Variants in STPG2 observed in about 807,000 individuals in gnomAD.
STPG2 encodes sperm tail PG-rich repeat containing 2, also known as sperm-tail PG-rich repeat-containing protein 2.
Under a neutral mutation model 54.2 loss-of-function variants are expected in STPG2, and 56 were observed. The ratio of observed to expected loss-of-function variants is 1.03; its 90% CI spans 0.83 to 1.29. The LOEUF is 1.29. Among genes scored for constraint, STPG2 ranks in the 50% most tolerant of loss-of-function variants. The probability of loss-of-function intolerance (pLI) is 0.00; values close to 1 mark genes in which losing one functional copy is unlikely to be tolerated. For missense variants in STPG2, 596 were observed against 544.9 expected (o/e 1.09, Z -0.93); for synonymous variants, 200 against 181.8 (o/e 1.10, Z -0.81).
At chr4:98,011,292 A>C (rs1735740567) in intron 5 of STPG2, among the ~76,000 whole-genome samples, 1 of 152,168 alleles carries the variant, frequency 6.6e-6, no homozygotes, top group Non-Finnish European at 1.5e-5. Flanking sequence ...TCATGTTCTC[A>C]TTCCTTTTCA....
At chr4:98,003,561 C>T (rs1735479482) in intron 5 of STPG2, among the ~76,000 whole-genome samples, 1 of 151,924 alleles carries the variant, frequency 6.6e-6, no homozygotes, top group African/African-American at 2.4e-5. Flanking sequence ...GAGTTCAGGC[C>T]ACTCAGGATA....
At chr4:97,656,227 T>C (rs1011052685) in intron 10 of STPG2, among the ~76,000 whole-genome samples, 1 of 152,110 alleles carries the variant, frequency 6.6e-6, no homozygotes, top group African/African-American at 2.4e-5. Context: ...ACATCCTGAC[T>C]CATGACACAA....
At chr4:97,579,340 T>G (rs1216529396) in intron 10 of STPG2, among the ~76,000 whole-genome samples, 1 of 152,036 alleles carries the variant, frequency 6.6e-6, no homozygotes, top group Non-Finnish European at 1.5e-5. Flanking sequence ...CTATTTTGAC[T>G]AATTATCCTA....
intron 10 of STPG2, among the ~76,000 whole-genome samples, chr4:97,684,998 T>C (rs1234321739): frequency 6.6e-6 from 1 of 152,022 alleles, no homozygotes; most frequent in Non-Finnish European, 1.5e-5. Context: ...CATCAGGGAA[T>C]TGTAATTTTA....
At chr4:97,578,985 A>G (rs556280790) in intron 10 of STPG2, among the ~76,000 whole-genome samples, 183 of 152,278 alleles carry the variant, frequency 1.2e-3, no homozygotes, top group African/African-American at 3.8e-3. Flanking sequence ...CAAACGAACA[A>G]TATCAGTGCC....
chr4:97,930,458 G>T (rs1441452806), intron 8 of STPG2, among the ~76,000 whole-genome samples: 2 of 152,122 alleles, frequency 1.3e-5, no homozygotes. Flanking sequence ...GCTTGTTCTT[G>T]TCAGATTTGT....
intron 8 of STPG2, among the ~76,000 whole-genome samples, chr4:97,941,140 T>A (rs992805916): frequency 6.6e-6 from 1 of 152,140 alleles, no homozygotes; most frequent in South Asian, 2.1e-4. Flanking sequence ...TCTCCTAGCC[T>A]TGAAATGCGG....
chr4:97,924,609 T>C (rs1732265165), intron 8 of STPG2, among the ~76,000 whole-genome samples: 1 of 152,324 alleles, frequency 6.6e-6, no homozygotes, highest in African/African-American at 2.4e-5. Flanking sequence ...AGTTCTTAAA[T>C]GTTTAAATAT....
chr4:98,021,599 C>G (rs555982657), intron 5 of STPG2, among the ~76,000 whole-genome samples: 12 of 152,238 alleles, frequency 7.9e-5, no homozygotes, highest in Admixed American at 2.0e-4. Flanking sequence ...ATTGATCGGT[C>G]TAATGTTGAC....
chr4:97,699,500 C>A (rs1723695796), intron 10 of STPG2, among the ~76,000 whole-genome samples: 1 of 152,180 alleles, frequency 6.6e-6, no homozygotes, highest in Non-Finnish European at 1.5e-5. Context: ...TATGCTTCTT[C>A]CAAGTCCCTG....
chr4:97,587,007 C>T (rs1733018245), intron 10 of STPG2, among the ~76,000 whole-genome samples: 1 of 151,836 alleles, frequency 6.6e-6, no homozygotes. Flanking sequence ...TTATGCCACT[C>T]TTATGTATGG....
intron 8 of STPG2, among the ~76,000 whole-genome samples, chr4:97,865,717 G>A (rs1388388346): frequency 6.6e-6 from 1 of 151,822 alleles, no homozygotes; most frequent in African/African-American, 2.4e-5. Flanking sequence ...AGGGTGAGGG[G>A]GAAGGGATAG....
At chr4:97,872,610 G>A (rs996901294) in intron 8 of STPG2, among the ~76,000 whole-genome samples, 3 of 151,152 alleles carry the variant, frequency 2.0e-5, no homozygotes, top group Admixed American at 6.6e-5. Flanking sequence ...TCTGAAATAT[G>A]CAAAATTAGA....
chr4:98,135,554 C>T (rs1740113800), intron 1 of STPG2, among the ~76,000 whole-genome samples: 1 of 151,726 alleles, frequency 6.6e-6, no homozygotes, highest in African/African-American at 2.4e-5. Flanking sequence ...AAGAGAAGTT[C>T]TCATCCACAT....
intron 8 of STPG2, among the ~76,000 whole-genome samples, chr4:97,867,881 A>G (rs1729849111): frequency 6.6e-6 from 1 of 152,034 alleles, no homozygotes; most frequent in Non-Finnish European, 1.5e-5. Context: ...CAATTTGACC[A>G]AAACATTATC....
chr4:97,625,040 C>T (rs180975588), intron 10 of STPG2, among the ~76,000 whole-genome samples: 1 of 152,230 alleles, frequency 6.6e-6, no homozygotes, highest in East Asian at 1.9e-4. Context: ...AGAAATAGAG[C>T]CTTCACCAGA....
chr4:97,960,697 A>G (rs998303532), intron 7 of STPG2, among the ~76,000 whole-genome samples: 1 of 152,068 alleles, frequency 6.6e-6, no homozygotes, highest in African/African-American at 2.4e-5. Flanking sequence ...GAAATCATAG[A>G]CCACAAAAAA....
At chr4:97,772,843 A>G (rs1726258918) in intron 9 of STPG2, among the ~76,000 whole-genome samples, 2 of 152,202 alleles carry the variant, frequency 1.3e-5, no homozygotes, top group Non-Finnish European at 1.5e-5. Flanking sequence ...ATAAACATAA[A>G]TAAAATGTTA....
rs377678564 is a variant in STPG2, at chr4:97,819,591, G to A, written c.1204+21182C>T. Among the ~76,000 whole-genome samples the A allele has an allele frequency of 1.2e-3, 183 of 152,166 alleles. 4 individuals are homozygous for A. Among genetic ancestry groups the A allele is most frequent in the East Asian group, 0.011 (59 of 5,180 alleles). On this transcript the variant is annotated intron_variant, in intron 9 of 10. Transcript: ENST00000295268. Reference sequence around the variant, plus strand: ...AATGTTGTCTTATATGCTATGCATTGCTGAGTCTATCATTCATTTAAATAT... The same window carrying A: ...AATGTTGTCTTATATGCTATGCATTACTGAGTCTATCATTCATTTAAATAT...
Sources: gnomAD v4.1 joint callset for allele counts (sites outside exome capture counted in the v4.1 genomes callset) on GRCh38, gnomAD v4.1.1 for gene constraint, MANE v1.5 for transcripts, NCBI Gene and HGNC (gene_info 2026-07-23, HGNC 2026-07-21) for gene names.